Variants in MAPRE2 observed in about 807,000 individuals in gnomAD.
MAPRE2 encodes the protein microtubule associated protein RP/EB family member 2, also known as microtubule-associated protein RP/EB family member 2.
A neutral mutation model predicts 43.2 loss-of-function variants in MAPRE2; 13 were observed. That is an observed-to-expected ratio of 0.30 (90% CI 0.20 to 0.48). The LOEUF (loss-of-function observed/expected upper bound fraction) is 0.48. Ranked by LOEUF, MAPRE2 falls within the 20% of genes least tolerant of loss-of-function variation. The pLI, the probability that MAPRE2 is intolerant of heterozygous loss-of-function variation, is 0.99. For missense variants in MAPRE2, 161 were observed against 400.2 expected (o/e 0.40, Z 5.10); for synonymous variants, 135 against 148.8 (o/e 0.91, Z 0.68).
chr18:35,028,152 T>G (rs887243610), intron 2 of MAPRE2, among the ~76,000 whole-genome samples: 2 of 152,168 alleles, frequency 1.3e-5, no homozygotes, highest in African/African-American at 4.8e-5. Flanking sequence ...CAAAATCTAT[T>G]GATCAAAGCT....
chr18:35,142,172 G>A lies in MAPRE2; in HGVS notation c.*1803G>A, dbSNP rs921754533. On this transcript the variant is annotated 3_prime_UTR_variant, in exon 7 of 7. Coordinates refer to ENST00000300249, the MANE Select transcript of MAPRE2 (RefSeq NM_014268.4). ...GTCCTCCCACACCTGGTCACAAGTAGTAGTGGCTGTGCTATACCCAGCATC... is the reference window on the plus strand; with the variant it reads ...GTCCTCCCACACCTGGTCACAAGTAATAGTGGCTGTGCTATACCCAGCATC... 5.3e-5 allele frequency: 8 copies of A among 152,274 alleles called. No homozygotes were observed. Among genetic ancestry groups the A allele is most frequent in the African/African-American group, 1.4e-4 (6 of 41,466 alleles). The allele number at this position is 152,274 out of a possible 1,614,324, so 9.4% of individuals were successfully genotyped here. A position where few individuals can be genotyped will look rare whatever the true frequency, so the allele number is the denominator to read the frequency against.
intron 2 of MAPRE2, among the ~76,000 whole-genome samples, chr18:35,017,199 G>T (rs2097038858): frequency 1.3e-5 from 2 of 148,364 alleles, no homozygotes; most frequent in South Asian, 4.2e-4. Flanking sequence ...TCTGTATATA[G>T]CCTTATAGTT....
At chr18:34,987,816 T>A (rs947132688) in intron 1 of MAPRE2, among the ~76,000 whole-genome samples, 1 of 152,084 alleles carries the variant, frequency 6.6e-6, no homozygotes, top group African/African-American at 2.4e-5. Context: ...CTAATTTTTG[T>A]ATTTTTTGTA....
At chr18:35,076,267 A>T (rs192836811) in intron 2 of MAPRE2, among the ~76,000 whole-genome samples, 2 of 152,360 alleles carry the variant, frequency 1.3e-5, no homozygotes, top group African/African-American at 4.8e-5. Context: ...ATTGCCCTCA[A>T]ATAGCTCAGT....
intron 1 of MAPRE2, among the ~76,000 whole-genome samples, chr18:35,059,824 A>C (rs555178353): frequency 2.4e-4 from 37 of 152,320 alleles, no homozygotes; most frequent in African/African-American, 8.7e-4. Context: ...GTTATCCCTA[A>C]GGATGAAACT....
chr18:35,041,282 A>C, upstream of MAPRE2: 1 of 1,369,228 alleles, frequency 7.3e-7, no homozygotes, highest in Non-Finnish European at 9.5e-7. Flanking sequence ...GTGCGAATTG[A>C]GGCGAGGTGA....
At chr18:35,077,529 T>C (rs1257296692) in intron 2 of MAPRE2, among the ~76,000 whole-genome samples, 2 of 152,190 alleles carry the variant, frequency 1.3e-5, no homozygotes, top group Non-Finnish European at 2.9e-5. Context: ...TACCAAGGGA[T>C]GGGTCATCAA....
At chr18:35,017,971 G>A (rs59379510) in intron 2 of MAPRE2, among the ~76,000 whole-genome samples, 16,773 of 151,522 alleles carry the variant, frequency 0.11, 1,029 homozygotes, top group East Asian at 0.27. Flanking sequence ...TGTCATAGAT[G>A]GCTCTTATTA....
At chr18:34,983,888 C>T (rs1806180577) in intron 1 of MAPRE2, among the ~76,000 whole-genome samples, 1 of 152,168 alleles carries the variant, frequency 6.6e-6, no homozygotes, top group Non-Finnish European at 1.5e-5. Flanking sequence ...CCTCAGCCCC[C>T]TTAAGTGCTG....
chr18:35,070,455 G>A (rs1464254384), intron 2 of MAPRE2, 133 bp downstream of exon 2: 2 of 693,020 alleles, frequency 2.9e-6, no homozygotes, highest in African/African-American at 1.9e-5. Context: ...ATTAAAGGGG[G>A]AAAAACTCAG....
intron 2 of MAPRE2, among the ~76,000 whole-genome samples, chr18:35,025,763 T>C (rs2097044779): frequency 6.6e-6 from 1 of 152,186 alleles, no homozygotes. Flanking sequence ...TAATCAGATG[T>C]AGTAATAGAT....
At chr18:35,095,882 T>C (rs1424703930) in intron 2 of MAPRE2, among the ~76,000 whole-genome samples, 2 of 152,074 alleles carry the variant, frequency 1.3e-5, no homozygotes, top group African/African-American at 4.8e-5. Context: ...TGTCTTCTCT[T>C]TAAGAGAACC....
At chr18:35,113,380 G>A (rs955807639) in intron 4 of MAPRE2, among the ~76,000 whole-genome samples, 1 of 152,026 alleles carries the variant, frequency 6.6e-6, no homozygotes, top group Admixed American at 6.6e-5. Flanking sequence ...GCTTACTGAG[G>A]TAGCATTTTT....
intron 2 of MAPRE2, among the ~76,000 whole-genome samples, chr18:35,014,440 A>G (rs1321891019): frequency 6.7e-6 from 1 of 149,878 alleles, no homozygotes; most frequent in Non-Finnish European, 1.5e-5. Context: ...TAAGGCATAT[A>G]TACCTGGCAG....
chr18:35,088,432 C>T (rs1461191175), intron 2 of MAPRE2, among the ~76,000 whole-genome samples: 1 of 152,118 alleles, frequency 6.6e-6, no homozygotes, highest in Non-Finnish European at 1.5e-5. Context: ...TAGACAGAGG[C>T]CTGATAACAG....
chr18:34,995,362 G>A (rs1363407650), intron 1 of MAPRE2, among the ~76,000 whole-genome samples: 1 of 152,184 alleles, frequency 6.6e-6, no homozygotes, highest in Non-Finnish European at 1.5e-5. Context: ...CTGGATATAT[G>A]TGTGGCAGCT....
intron 2 of MAPRE2, among the ~76,000 whole-genome samples, chr18:35,013,810 A>AT (rs2097036356): frequency 6.6e-6 from 1 of 152,186 alleles, no homozygotes; most frequent in East Asian, 1.9e-4. Flanking sequence ...ATCTCACTTA[A>AT]TATAATGACC....
intron 6 of MAPRE2, among the ~76,000 whole-genome samples, chr18:35,132,986 G>A (rs1289204475): frequency 6.6e-6 from 1 of 152,216 alleles, no homozygotes. Context: ...AAGTTGAGGG[G>A]TTGGGGTGTC....
chr18:35,115,565 CTT>C (rs1909373117), intron 4 of MAPRE2, among the ~76,000 whole-genome samples: 1 of 152,162 alleles, frequency 6.6e-6, no homozygotes, highest in Admixed American at 6.5e-5. Context: ...TCATATCACT[CTT>C]ATGCCTTTGC....
Sources: allele counts gnomAD v4.1 joint callset (sites outside exome capture counted in the v4.1 genomes callset), GRCh38; gene constraint gnomAD v4.1.1; transcripts MANE v1.5; gene names NCBI Gene and HGNC (gene_info 2026-07-23, HGNC 2026-07-21).